Variants in DPY30 observed in about 807,000 individuals in gnomAD.
DPY30 encodes the protein dpy-30 histone methyltransferase complex regulatory subunit.
DPY30 carries 6 observed loss-of-function variants against 16.2 expected under a neutral mutation model. That is an observed-to-expected ratio of 0.37 (90% CI 0.20 to 0.73). DPY30 has a LOEUF of 0.73. Ranked by LOEUF, DPY30 falls within the 30% of genes least tolerant of loss-of-function variation. The probability of loss-of-function intolerance (pLI) is 0.51; values close to 1 mark genes in which losing one functional copy is unlikely to be tolerated. For synonymous variants in DPY30, 39 were observed against 38.8 expected (o/e 1.00, Z -0.02); for missense variants, 73 against 113.1 (o/e 0.65, Z 1.61).
At chr2:32,013,583 C>A (rs1675007865) in intron 5 of DPY30, among the ~76,000 whole-genome samples, 2 of 152,216 alleles carry the variant, frequency 1.3e-5, no homozygotes, top group African/African-American at 4.8e-5. Flanking sequence ...GTACAATTTT[C>A]ATGTTATTAT....
chr2:32,013,649 T>A (rs1297115206), intron 5 of DPY30, among the ~76,000 whole-genome samples: 1 of 152,232 alleles, frequency 6.6e-6, no homozygotes, highest in Middle Eastern at 3.2e-3. Flanking sequence ...ATAAGCATTA[T>A]TCATAGTAGG....
chr2:32,029,527 A>G (rs1228028197), intron 4 of DPY30, 67 bp downstream of exon 4: 1 of 1,576,828 alleles, frequency 6.3e-7, no homozygotes, highest in African/African-American at 1.4e-5. Context: ...CATAACTATG[A>G]TATTTCAGAT....
chr2:32,037,742 G>A (rs770429234), intron 3 of DPY30, among the ~76,000 whole-genome samples: 1 of 151,836 alleles, frequency 6.6e-6, no homozygotes, highest in African/African-American at 2.4e-5. Context: ...ATTTTCAGTA[G>A]AGACGGAGTT....
chr2:32,019,820 C>CA (rs1169379455), downstream of DPY30, among the ~76,000 whole-genome samples: 124 of 86,592 alleles, frequency 1.4e-3, no homozygotes, highest in East Asian at 4.5e-3. Context: ...AACTCCGTCT[C>CA]AAAAAAAAAA....
chr2:32,027,181 C>G (rs1427029975), intron 4 of DPY30, among the ~76,000 whole-genome samples: 1 of 146,802 alleles, frequency 6.8e-6, no homozygotes, highest in Non-Finnish European at 1.5e-5. Context: ...GAGGCTGAAG[C>G]AGGAAAATCA....
At chr2:32,013,926 T>G (rs184240878) in intron 5 of DPY30, among the ~76,000 whole-genome samples, 13 of 152,116 alleles carry the variant, frequency 8.5e-5, no homozygotes, top group African/African-American at 3.1e-4. Flanking sequence ...GAGAATCGCT[T>G]GAACCTGGGA....
chr2:32,036,597 G>A (rs1235115529), intron 3 of DPY30, among the ~76,000 whole-genome samples: 1 of 151,322 alleles, frequency 6.6e-6, no homozygotes, highest in African/African-American at 2.4e-5. Flanking sequence ...CATGAACCCG[G>A]AAGGCGGAGC....
chr2:32,029,099 C>G (rs988843701), intron 4 of DPY30, among the ~76,000 whole-genome samples: 8 of 152,040 alleles, frequency 5.3e-5, no homozygotes, highest in African/African-American at 1.9e-4. Context: ...TGGTGAAAAC[C>G]CTTCTTTACT....
intron 5 of DPY30, among the ~76,000 whole-genome samples, chr2:32,015,230 A>G (rs1675042107): frequency 6.6e-6 from 1 of 152,204 alleles, no homozygotes; most frequent in African/African-American, 2.4e-5. Context: ...GATCAGAAAA[A>G]TATTTTACAA....
chr2:32,028,877 C>T (rs569219946), intron 4 of DPY30, among the ~76,000 whole-genome samples: 70 of 151,824 alleles, frequency 4.6e-4, no homozygotes, highest in Non-Finnish European at 6.8e-4. Context: ...GTAGGAGAAT[C>T]GCTTGAACCC....
chr2:32,022,600 C>T (rs1358354810), downstream of DPY30, among the ~76,000 whole-genome samples: 2 of 152,084 alleles, frequency 1.3e-5, no homozygotes, highest in South Asian at 4.1e-4. Flanking sequence ...TCACTGCAAC[C>T]TCTGCCTCCC....
At chr2:32,033,072 A>G (rs2148665983) in intron 3 of DPY30, among the ~76,000 whole-genome samples, 1 of 151,486 alleles carries the variant, frequency 6.6e-6, no homozygotes, top group East Asian at 2.0e-4. Flanking sequence ...GTACTTTGGG[A>G]GGCCGAGGCA....
chr2:32,015,348 CT>C (rs532032319), intron 5 of DPY30, among the ~76,000 whole-genome samples: 9 of 152,222 alleles, frequency 5.9e-5, no homozygotes, highest in Middle Eastern at 3.4e-3. Flanking sequence ...AACTTTGCCC[CT>C]GTCTACCTTA....
At chr2:32,029,348 A>G (rs1160823440) in intron 4 of DPY30, among the ~76,000 whole-genome samples, 4 of 152,176 alleles carry the variant, frequency 2.6e-5, no homozygotes, top group African/African-American at 9.6e-5. Context: ...CATAATAAAT[A>G]AAAAGAAAAA....
downstream of DPY30, chr2:32,023,352 T>C (rs961519943): frequency 6.6e-6 from 3 of 455,922 alleles, no homozygotes; most frequent in African/African-American, 4.0e-5. Flanking sequence ...TGCTGCTTTT[T>C]ATTGCAAAGA....
At chr2:32,021,328 C>T (rs960184872), downstream of DPY30, among the ~76,000 whole-genome samples, 1 of 151,952 alleles carries the variant, frequency 6.6e-6, no homozygotes, top group African/African-American at 2.4e-5. Context: ...ATTTATACTT[C>T]CAAAACTAGA....
At chr2:32,032,056 T>C (rs1015328372) in intron 3 of DPY30, among the ~76,000 whole-genome samples, 1 of 152,138 alleles carries the variant, frequency 6.6e-6, no homozygotes, top group East Asian at 1.9e-4. Context: ...GAAAAATTTT[T>C]CTACTTTTAA....
chr2:32,023,169 A>G (rs1403576366), downstream of DPY30, among the ~76,000 whole-genome samples: 1 of 150,736 alleles, frequency 6.6e-6, no homozygotes. Flanking sequence ...ACATCAACAA[A>G]TGTTCTCTGG....
At chr2:32,027,168 C>T (rs1572995730) in intron 4 of DPY30, among the ~76,000 whole-genome samples, 3 of 147,820 alleles carry the variant, frequency 2.0e-5, no homozygotes, top group East Asian at 2.0e-4. Context: ...CCCAGGTATT[C>T]GGGAGGCTGA....
Sources: gnomAD v4.1 joint callset for allele counts (sites outside exome capture counted in the v4.1 genomes callset) on GRCh38, gnomAD v4.1.1 for gene constraint, MANE v1.5 for transcripts, NCBI Gene and HGNC (gene_info 2026-07-23, HGNC 2026-07-21) for gene names.